Variants in PRDX6 observed in about 807,000 individuals in gnomAD.
PRDX6 encodes peroxiredoxin 6, also known as peroxiredoxin-6.
Under a neutral mutation model 20.0 loss-of-function variants are expected in PRDX6, and 13 were observed. That is an observed-to-expected ratio of 0.65 (90% CI 0.42 to 1.03). The LOEUF (loss-of-function observed/expected upper bound fraction) is 1.03. Among genes scored for constraint, PRDX6 ranks in the 50% least tolerant of loss-of-function variants. PRDX6 has a pLI of 0.00. For synonymous variants in PRDX6, 85 were observed against 100.8 expected, an observed-to-expected ratio of 0.84 and a Z score of 0.94; for missense variants, 203 against 276.9, an observed-to-expected ratio of 0.73 and a Z score of 1.89.
chr1:173,482,162 T>G (rs972372578), intron 2 of PRDX6, among the ~76,000 whole-genome samples: 1 of 152,174 alleles, frequency 6.6e-6, no homozygotes, highest in Non-Finnish European at 1.5e-5. Context: ...ATCCTCAAAC[T>G]TGTCAGCTCT....
At position 173,484,885 on chromosome 1, in the gene PRDX6, T is replaced by A. The variant is rs942201179; in HGVS notation, c.253-476T>A. Among the ~76,000 whole-genome samples, 4 of 151,766 alleles carry A rather than the reference T, an allele frequency of 2.6e-5. No individual in the cohort carries two copies. In the East Asian group the frequency reaches 7.7e-4, roughly 29 times the overall value. On this transcript the variant is annotated intron_variant, in intron 2 of 4. Coordinates refer to ENST00000340385, the MANE Select transcript of PRDX6 (RefSeq NM_004905.3). ...GGTCATTTCTTATTTGTCTTGTAAC[T>A]TAGCATCTGAGTCAGGGTGCTTTAT...
At chr1:173,482,906 CAG>C (rs1317461419) in intron 2 of PRDX6, among the ~76,000 whole-genome samples, 1 of 152,044 alleles carries the variant, frequency 6.6e-6, no homozygotes, top group East Asian at 1.9e-4. Context: ...TTTTTTCACT[CAG>C]AGAGTTGGAG....
At position 173,477,383 on chromosome 1, in the gene PRDX6, C is replaced by A; in HGVS notation, c.-15C>A. ...TTGCTTGCTGTCCCAGCGGCGCCCCCTCATCACCGTCGCCATGCCCGGAGG... is the reference window on the plus strand; with the variant it reads ...TTGCTTGCTGTCCCAGCGGCGCCCCATCATCACCGTCGCCATGCCCGGAGG... On this transcript the variant is annotated 5_prime_UTR_variant, in exon 1 of 5. Transcript: ENST00000340385. 5 of 1,600,968 alleles carry A rather than the reference C, an allele frequency of 3.1e-6. No homozygotes were observed. The highest frequency in any genetic ancestry group is 4.3e-6 in the Non-Finnish European group (5 of 1,172,908).
chr1:173,483,693 A>G (rs966626895), intron 2 of PRDX6, among the ~76,000 whole-genome samples: 5 of 152,200 alleles, frequency 3.3e-5, no homozygotes, highest in Non-Finnish European at 7.3e-5. Context: ...GCCTACACAC[A>G]ATAGACGTTA....
intron 1 of PRDX6, among the ~76,000 whole-genome samples, chr1:173,479,539 C>G (rs987034752): frequency 2.0e-5 from 3 of 152,186 alleles, no homozygotes; most frequent in Non-Finnish European, 4.4e-5. Context: ...TTTACCTTAT[C>G]GCTGTTTCTT....
chr1:173,477,531 G>C, intron 1 of PRDX6, 39 bp downstream of exon 1: 1 of 1,526,442 alleles, frequency 6.6e-7, no homozygotes, highest in Non-Finnish European at 9.0e-7. Context: ...GGCCTCGGTT[G>C]CGCCGGACTC....
At chr1:173,487,347 T>C (rs776962538) in intron 4 of PRDX6, among the ~76,000 whole-genome samples, 1 of 152,112 alleles carries the variant, frequency 6.6e-6, no homozygotes, top group Non-Finnish European at 1.5e-5. Context: ...GGCCTACAAG[T>C]GAGCTTGGCA....
At chr1:173,477,680 A>T (rs2101855298) in intron 1 of PRDX6, among the ~76,000 whole-genome samples, 188 bp downstream of exon 1, 1 of 152,136 alleles carries the variant, frequency 6.6e-6, no homozygotes, top group South Asian at 2.1e-4. Context: ...CGCTGCTGGG[A>T]GCTGGCACCC....
chr1:173,479,790 G>A (rs1344375912), intron 1 of PRDX6, among the ~76,000 whole-genome samples: 3 of 152,206 alleles, frequency 2.0e-5, no homozygotes, highest in Non-Finnish European at 2.9e-5. Flanking sequence ...CCTATTTGTA[G>A]CCATGAGGTA....
At position 173,477,401 on chromosome 1, in the gene PRDX6, C is replaced by T; in HGVS notation, c.4C>T (p.Pro2Ser). The T allele has an allele frequency of 6.2e-7, 1 of 1,607,332 alleles. No homozygotes were observed. M[P>S]GGLLLGDVAP... ...GCGCCCCCTCATCACCGTCGCCATG[C>T]CCGGAGGTCTGCTTCTCGGGGACGT... The change falls in exon 1 of 5, where the codon CCC becomes TCC. Residue 2 changes from proline to serine, a missense_variant. Physicochemically the swap from Pro to Ser is moderately conservative, Grantham distance 74. Transcript: ENST00000340385.
At chr1:173,481,067 A>C in intron 1 of PRDX6, 1 of 409,890 alleles carries the variant, frequency 2.4e-6, no homozygotes, top group Non-Finnish European at 4.4e-6. Flanking sequence ...AGGAGGCAAC[A>C]CCTTAACATT....
At chr1:173,484,286 G>A (rs1041072963) in intron 2 of PRDX6, among the ~76,000 whole-genome samples, 1 of 150,440 alleles carries the variant, frequency 6.6e-6, no homozygotes, top group Non-Finnish European at 1.5e-5. Flanking sequence ...TTCCTAGAAT[G>A]CCTTTCTTTT....
intron 1 of PRDX6, among the ~76,000 whole-genome samples, chr1:173,479,161 T>G (rs1356780383): frequency 1.3e-5 from 2 of 152,198 alleles, no homozygotes; most frequent in African/African-American, 4.8e-5. Context: ...CCATACTTTT[T>G]TGGGGTTTTG....
intron 2 of PRDX6, among the ~76,000 whole-genome samples, chr1:173,485,100 G>A (rs191843269): frequency 6.6e-6 from 1 of 152,262 alleles, no homozygotes; most frequent in Admixed American, 6.5e-5. Flanking sequence ...AGCAGTAAAA[G>A]CATGCTGAAT....
At chr1:173,485,335 T>C (rs1170613826) in intron 2 of PRDX6, 26 bp from the exon 3 acceptor site, 3 of 1,550,826 alleles carry the variant, frequency 1.9e-6, no homozygotes, top group Non-Finnish European at 2.6e-6. Context: ...TTTAGATTCC[T>C]CTTTCCCCTT....
intron 2 of PRDX6, among the ~76,000 whole-genome samples, chr1:173,484,177 T>TACAC (rs113530287): frequency 3.5e-4 from 36 of 103,930 alleles, no homozygotes; most frequent in African/African-American, 8.7e-4. Flanking sequence ...TTTATATATA[T>TACAC]ACACACACAC....
At chr1:173,487,697 TGA>T in intron 4 of PRDX6, 36 bp from the exon 5 acceptor site, 1 of 1,611,216 alleles carries the variant, frequency 6.2e-7, no homozygotes, top group Non-Finnish European at 8.5e-7. Flanking sequence ...AGCTTCACTA[TGA>T]GATTGAATTT....
rs112539478 is a variant in PRDX6 at position 173,477,495 on chromosome 1, A to G, written c.95+3A>G. 1 of 1,598,514 alleles carries G rather than the reference A, an allele frequency of 6.3e-7. No individual in the cohort carries two copies. The highest frequency in any genetic ancestry group is 1.4e-5 in the African/African-American group (1 of 73,130). ...TTCCACGACTTTCTGGGAGACTCGT[A>G]AGTGGCCACCGCGTAGCCCTGTCCT... On this transcript the variant is annotated splice_donor_region_variant and intron_variant, in intron 1 of 4. Transcript: ENST00000340385.
At chr1:173,484,409 G>A (rs1455495744) in intron 2 of PRDX6, among the ~76,000 whole-genome samples, 1 of 151,764 alleles carries the variant, frequency 6.6e-6, no homozygotes, top group Non-Finnish European at 1.5e-5. Context: ...GTATACTTCA[G>A]TATTTACCAT....
Sources: gnomAD v4.1 joint callset for allele counts (sites outside exome capture counted in the v4.1 genomes callset) on GRCh38, gnomAD v4.1.1 for gene constraint, MANE v1.5 for transcripts, NCBI Gene and HGNC (gene_info 2026-07-23, HGNC 2026-07-21) for gene names.